The following SIRPG variants were observed in gnomAD, a reference collection of about 807,000 sequenced individuals.
The protein encoded by SIRPG is signal regulatory protein gamma.
In SIRPG, 38 loss-of-function variants were observed where a neutral mutation model predicts 35.7. The ratio of observed to expected loss-of-function variants is 1.06; its 90% CI spans 0.82 to 1.40. The LOEUF (loss-of-function observed/expected upper bound fraction) is 1.40. SIRPG is among the 40% of genes most tolerant of loss of function. The pLI is 0.00. For synonymous variants in SIRPG, 215 were observed against 190.4 expected, an observed-to-expected ratio of 1.13 and a Z score of -1.06; for missense variants, 519 against 483.0, an observed-to-expected ratio of 1.07 and a Z score of -0.70.
At chr20:1,680,095 C>A in the SIRPG span, among the ~76,000 whole-genome samples, 2 of 152,172 alleles carry the variant, frequency 1.3e-5, no homozygotes, top group Non-Finnish European at 2.9e-5. Context: ...ATGCTAGTGG[C>A]AACATATTCT....
In SIRPG at chr20:1,650,004, G is replaced by GTATGTATGTATATATA. The variant is rs2091929374; in HGVS notation, c.74-597_74-596insTATATATACATACATA. Among the ~76,000 whole-genome samples the GTATGTATGTATATATA allele has an allele frequency of 4.0e-5, 4 of 98,820 alleles. No homozygotes were observed. In the South Asian group the frequency reaches 1.1e-3, roughly 27 times the overall value. 64.8% of individuals were successfully genotyped at this position (98,820 alleles called of 152,430 possible). A position where few individuals can be genotyped will look rare whatever the true frequency, so the allele number is the denominator to read the frequency against. ...ACTCCTGAACTCTACTTTGAAGTGT[G>GTATGTATGTATATATA]TATATATATATATATATATATATGT... On this transcript the variant is annotated intron_variant, in intron 1 of 5. Transcript: ENST00000303415.
intron 4 of SIRPG, among the ~76,000 whole-genome samples, chr20:1,634,276 G>A (rs1337439728): frequency 2.0e-5 from 3 of 148,894 alleles, no homozygotes; most frequent in East Asian, 2.0e-4. Flanking sequence ...GCATGATCTC[G>A]GCTCACTGCA....
At chr20:1,646,612 G>GC (rs1287933041) in intron 2 of SIRPG, 1 of 151,736 alleles carries the variant, frequency 6.6e-6, no homozygotes, top group Non-Finnish European at 1.5e-5. Context: ...GGTAAAGCCA[G>GC]CCCCTCCTAC....
Position 1,635,042 on chromosome 20 carries a change from C to CA in SIRPG, c.1081+224dup, listed in dbSNP as rs11479458. ...TGGGCGACAGAGCCAGACTCCGTCT[C>CA]AAAAAAAAAAAAAATTAAACATATA... On this transcript the variant is annotated intron_variant, in intron 4 of 5. Coordinates refer to ENST00000303415, the MANE Select transcript of SIRPG (RefSeq NM_018556.4). Among the ~76,000 whole-genome samples the CA allele has an allele frequency of 2.5e-3, 353 of 142,708 alleles. 3 individuals are homozygous for CA. The highest frequency in any genetic ancestry group is 0.018 in the Middle Eastern group (5 of 282). 93.6% of individuals were successfully genotyped at this position (142,708 alleles called of 152,430 possible).
chr20:1,654,427 A>C (rs368070938), intron 1 of SIRPG, among the ~76,000 whole-genome samples: 51 of 152,316 alleles, frequency 3.3e-4, no homozygotes, highest in African/African-American at 1.1e-3. Context: ...AAAAGTGTGA[A>C]GAAAACACAA....
the SIRPG span, among the ~76,000 whole-genome samples, chr20:1,672,825 G>A: frequency 2.0e-5 from 3 of 152,060 alleles, no homozygotes; most frequent in South Asian, 2.1e-4. Flanking sequence ...TGGAATCTGG[G>A]TCTTCAGTTG....
At position 1,635,439 on chromosome 20, in the gene SIRPG, G is replaced by A. The variant is rs767846666; in HGVS notation, c.909C>T (p.Asn303=). 2 of 1,614,168 alleles carry A rather than the reference G, an allele frequency of 1.2e-6. No homozygotes were observed. The highest frequency in any genetic ancestry group is 2.2e-5 in the East Asian group (1 of 44,880). The change falls in exon 4 of 6, where the codon AAC becomes AAT. Residue 303 remains asparagine, a synonymous_variant. Transcript: ENST00000303415. ...TTGTCCAGTTGTAGGTACCATCCTTGTTCTCTGTAAGGGTCGAGGCTGTTT... is the reference window on the plus strand; with the variant it reads ...TTGTCCAGTTGTAGGTACCATCCTTATTCTCTGTAAGGGTCGAGGCTGTTT... ...QRETASTLTE[N]KDGTYNWTSW...
chr20:1,685,249 G>T, the SIRPG span, among the ~76,000 whole-genome samples: 2 of 152,198 alleles, frequency 1.3e-5, no homozygotes, highest in Non-Finnish European at 2.9e-5. Flanking sequence ...GTAGATTGTG[G>T]TACTTGTTAT....
Position 1,649,259 on chromosome 20 carries a change from C to A in SIRPG, c.223G>T (p.Glu75Ter), listed in dbSNP as rs774712730. 7.4e-6 allele frequency: 12 copies of A among 1,613,972 alleles called. No individual in the cohort carries two copies. The highest frequency in any genetic ancestry group is 1.3e-5 in the African/African-American group (1 of 74,872). ...LWFRGVGPGRELIYNQKEGHF... is the reference protein window; with the variant it reads ...LWFRGVGPGR ...CCTTCTTTTTGATTGTAGATTAATT[C>A]CCGGCCTGGTCCAACTCCTCTGAAC... Residue 75 changes from glutamate to a stop codon, truncating the protein, a stop_gained, in exon 2 of 6, where the codon GAA becomes TAA. Coordinates refer to ENST00000303415, the MANE Select transcript of SIRPG (RefSeq NM_018556.4). LOFTEE classifies it high-confidence loss of function.
chr20:1,653,060 C>T (rs1377502722), intron 1 of SIRPG, among the ~76,000 whole-genome samples: 2 of 152,136 alleles, frequency 1.3e-5, no homozygotes, highest in Non-Finnish European at 2.9e-5. Flanking sequence ...AATCAGTTTG[C>T]AAACATACAG....
chr20:1,630,177 C>A (rs1427064715), intron 5 of SIRPG, 45 bp downstream of exon 5: 3 of 1,447,968 alleles, frequency 2.1e-6, no homozygotes, highest in African/African-American at 1.4e-5. Flanking sequence ...TTGGCCTTGC[C>A]CTTCTGAGAC....
intron 2 of SIRPG, among the ~76,000 whole-genome samples, chr20:1,642,944 A>G (rs1600211215): frequency 6.6e-6 from 1 of 152,106 alleles, no homozygotes; most frequent in African/African-American, 2.4e-5. Context: ...TTGTTCTGTT[A>G]GTCTGATGGA....
intron 2 of SIRPG, 29 bp from the exon 3 acceptor site, chr20:1,636,534 AC>A: frequency 6.2e-7 from 1 of 1,609,840 alleles, no homozygotes; most frequent in Non-Finnish European, 8.5e-7. Flanking sequence ...TAAACAGGAG[AC>A]ATGACTGAGA....
the SIRPG span, among the ~76,000 whole-genome samples, chr20:1,665,635 T>C: frequency 6.6e-6 from 1 of 152,160 alleles, no homozygotes; most frequent in Non-Finnish European, 1.5e-5. Context: ...AGAGAGCTTG[T>C]ACTCAGGTAT....
Position 1,630,354 on chromosome 20 carries a change from G to A in SIRPG, c.1082-48C>T, listed in dbSNP as rs1029412889. 3.9e-5 allele frequency: 56 copies of A among 1,451,310 alleles called. No homozygotes were observed. The Admixed American group carries it at 1.0e-3, about 27-fold the overall frequency. 89.9% of individuals were successfully genotyped at this position (1,451,310 alleles called of 1,614,324 possible). A position where few individuals can be genotyped will look rare whatever the true frequency, so the allele number is the denominator to read the frequency against. Reference sequence around the variant, plus strand: ...GGCTATGAGAGAGACCACTTGGGAGGCCATTGTAGGGGCCTCCACTTACCC... The same window carrying A: ...GGCTATGAGAGAGACCACTTGGGAGACCATTGTAGGGGCCTCCACTTACCC... On this transcript the variant is annotated intron_variant, in intron 4 of 5. Transcript: ENST00000303415.
intron 2 of SIRPG, chr20:1,648,153 T>A (rs947539575): frequency 1.3e-5 from 2 of 152,210 alleles, no homozygotes; most frequent in Non-Finnish European, 2.9e-5. Flanking sequence ...GGATGAGGAT[T>A]CTGGGCCTCT....
upstream of SIRPG, among the ~76,000 whole-genome samples, chr20:1,658,999 T>G (rs1251012710): frequency 6.6e-6 from 1 of 152,242 alleles, no homozygotes; most frequent in Non-Finnish European, 1.5e-5. Context: ...ACTACTTCTC[T>G]GAGCCTTGGT....
intron 2 of SIRPG, 35 bp downstream of exon 2, chr20:1,649,017 C>G (rs1388555287): frequency 6.5e-7 from 1 of 1,543,500 alleles, no homozygotes. Context: ...TATTGTCACA[C>G]ATCAGGGGAT....
intron 2 of SIRPG, among the ~76,000 whole-genome samples, chr20:1,643,861 C>A (rs1261279115): frequency 6.6e-6 from 1 of 152,140 alleles, no homozygotes; most frequent in Non-Finnish European, 1.5e-5. Flanking sequence ...GGGTTCACTT[C>A]GGGCCTTTTC....
Sources: gnomAD v4.1 joint callset for allele counts (sites outside exome capture counted in the v4.1 genomes callset) on GRCh38, gnomAD v4.1.1 for gene constraint, MANE v1.5 for transcripts, NCBI Gene and HGNC (gene_info 2026-07-23, HGNC 2026-07-21) for gene names.